STK3: variants seen among roughly 807,000 people sequenced by gnomAD.
STK3 encodes serine/threonine-protein kinase 3.
In STK3, 41 loss-of-function variants were observed where a neutral mutation model predicts 58.0. The observed-to-expected ratio is 0.71, with a 90% CI of 0.55 to 0.92. The LOEUF (loss-of-function observed/expected upper bound fraction) is 0.92. Among genes scored for constraint, STK3 ranks in the 40% least tolerant of loss-of-function variants. The probability of loss-of-function intolerance (pLI) is 0.00; values close to 1 mark genes in which losing one functional copy is unlikely to be tolerated. For synonymous variants in STK3, 170 were observed against 191.0 expected (o/e 0.89, Z 0.91); for missense variants, 479 against 602.7 (o/e 0.79, Z 2.15).
chr8:98,618,441 A>G (rs1360691022), intron 6 of STK3, among the ~76,000 whole-genome samples: 1 of 152,184 alleles, frequency 6.6e-6, no homozygotes, highest in African/African-American at 2.4e-5. Flanking sequence ...GCTATTCAAC[A>G]TAGTGTTGGA....
At position 98,562,737 on chromosome 8, in the gene STK3, G is replaced by GAAAAAAAAA. The variant is rs778049177; in HGVS notation, c.949-14585_949-14577dup. 6.9e-4 allele frequency among the ~76,000 whole-genome samples: 12 copies of GAAAAAAAAA among 17,386 alleles called. 4 individuals are homozygous for GAAAAAAAAA. The highest frequency in any genetic ancestry group is 3.2e-3 in the African/African-American group (11 of 3,434). 11.4% of individuals were successfully genotyped at this position (17,386 alleles called of 152,430 possible). On this transcript the variant is annotated intron_variant, in intron 8 of 10. Coordinates refer to ENST00000419617, the MANE Select transcript of STK3 (RefSeq NM_006281.4). ...TAAGACTCCCATCTCCACAAAAAAT[G>GAAAAAAAAA]AAAAAAAAAAAAAAAAAAAAAAAAA...
intron 1 of STK3, among the ~76,000 whole-genome samples, chr8:98,789,453 A>G (rs567506398): frequency 5.7e-4 from 87 of 152,292 alleles, no homozygotes; most frequent in African/African-American, 2.0e-3. Flanking sequence ...ACAAAAGATA[A>G]ATGAAACAAA....
At chr8:98,777,766 C>A (rs1454435385) in intron 1 of STK3, among the ~76,000 whole-genome samples, 2 of 152,160 alleles carry the variant, frequency 1.3e-5, no homozygotes, top group Admixed American at 1.3e-4. Flanking sequence ...AAAAGCCATC[C>A]AAGCAATGGG....
intron 1 of STK3, among the ~76,000 whole-genome samples, chr8:98,928,793 T>C (rs1261087334): frequency 6.6e-6 from 1 of 152,214 alleles, no homozygotes; most frequent in African/African-American, 2.4e-5. Flanking sequence ...AATTCCTCAC[T>C]TGGAAATAAT....
At chr8:98,713,862 A>C (rs1244267410) in intron 4 of STK3, among the ~76,000 whole-genome samples, 1 of 152,196 alleles carries the variant, frequency 6.6e-6, no homozygotes, top group Non-Finnish European at 1.5e-5. Context: ...CCTGATGAAC[A>C]TCGATGCAAA....
At chr8:98,714,415 A>C (rs1826819344) in intron 4 of STK3, among the ~76,000 whole-genome samples, 1 of 152,236 alleles carries the variant, frequency 6.6e-6, no homozygotes, top group Non-Finnish European at 1.5e-5. Flanking sequence ...CCTTAAGCCA[A>C]CAGGCAACTT....
chr8:98,590,632 G>A (rs550816720), intron 7 of STK3, among the ~76,000 whole-genome samples: 1 of 152,210 alleles, frequency 6.6e-6, no homozygotes, highest in African/African-American at 2.4e-5. Flanking sequence ...TTTCATGCAC[G>A]TCCGTGTGAA....
chr8:98,529,483 G>T (rs1825993900), intron 9 of STK3, among the ~76,000 whole-genome samples: 1 of 152,018 alleles, frequency 6.6e-6, no homozygotes, highest in Admixed American at 6.6e-5. Flanking sequence ...AAAATAAAAT[G>T]GTTTGCCATA....
At chr8:98,680,077 G>C (rs1036206203) in intron 6 of STK3, among the ~76,000 whole-genome samples, 4 of 152,128 alleles carry the variant, frequency 2.6e-5, no homozygotes, top group Admixed American at 1.3e-4. Flanking sequence ...ATACCAGTCT[G>C]TGAAACTGGA....
chr8:98,648,641 C>T (rs930928843), intron 6 of STK3, among the ~76,000 whole-genome samples: 1 of 152,058 alleles, frequency 6.6e-6, no homozygotes, highest in Non-Finnish European at 1.5e-5. Flanking sequence ...GCCTGTAATC[C>T]CTGTACTTCG....
chr8:98,772,397 T>C lies in STK3; in HGVS notation c.107+2342A>G, dbSNP rs1485181845. On this transcript the variant is annotated intron_variant, in intron 2 of 10. Transcript: ENST00000419617. ...GATGGTGAGTTTTCACAGGATGTGC[T>C]TATTTAAAGCGGTGTGGCAGGCCGG... Among the ~76,000 whole-genome samples the C allele has an allele frequency of 3.3e-5, 5 of 152,204 alleles. No individual in the cohort carries two copies. In the East Asian group the frequency reaches 9.7e-4, roughly 29 times the overall value.
chr8:98,443,162 T>C lies in STK3; in HGVS notation n.186-5954A>G, dbSNP rs1333732475. On this transcript the variant is annotated intron_variant and non_coding_transcript_variant, in intron 1 of 3. Coordinates refer to the STK3 transcript ENST00000517832. ...AAGACAATAGAGAAACTCATGTCTC[T>C]CCCTTTAGAAACTGGGGTATATTCT... is the stretch of plus-strand genomic sequence containing the variant. Among the ~76,000 whole-genome samples, 29 of 152,194 alleles carry C rather than the reference T, an allele frequency of 1.9e-4. 2 individuals are homozygous for C. The highest frequency in any genetic ancestry group is 1.9e-3 in the Admixed American group (29 of 15,282).
intron 6 of STK3, among the ~76,000 whole-genome samples, chr8:98,684,607 T>C (rs900652779): frequency 1.3e-5 from 2 of 152,170 alleles, no homozygotes; most frequent in Non-Finnish European, 2.9e-5. Context: ...CCTTTTGATC[T>C]TCAAAAAGAA....
chr8:98,867,193 A>G (rs1324806604), intron 3 of STK3, among the ~76,000 whole-genome samples: 1 of 152,156 alleles, frequency 6.6e-6, no homozygotes, highest in Admixed American at 6.5e-5. Flanking sequence ...AGGTGGGTAG[A>G]TTGCTTGAGC....
At chr8:98,560,468 A>C (rs1365910674) in intron 8 of STK3, among the ~76,000 whole-genome samples, 1 of 152,098 alleles carries the variant, frequency 6.6e-6, no homozygotes, top group Non-Finnish European at 1.5e-5. Context: ...CAGAAAAAAA[A>C]CCCACTTAGG....
intron 8 of STK3, among the ~76,000 whole-genome samples, chr8:98,564,163 C>G (rs1812281537): frequency 6.6e-6 from 1 of 151,876 alleles, no homozygotes; most frequent in African/African-American, 2.4e-5. Context: ...ACCAATAAGC[C>G]TCGTCTCATC....
chr8:98,738,660 G>T (rs563254685), intron 4 of STK3, among the ~76,000 whole-genome samples: 1 of 152,182 alleles, frequency 6.6e-6, no homozygotes, highest in African/African-American at 2.4e-5. Context: ...CAGCGTGAGC[G>T]ACGCAGAAGA....
chr8:98,710,209 C>A (rs371163892), intron 4 of STK3, among the ~76,000 whole-genome samples: 1 of 152,110 alleles, frequency 6.6e-6, no homozygotes, highest in Non-Finnish European at 1.5e-5. Flanking sequence ...AAGCTCCCAG[C>A]GTGAGCATTG....
chr8:98,669,196 C>T (rs543400898), intron 6 of STK3, among the ~76,000 whole-genome samples: 2 of 152,154 alleles, frequency 1.3e-5, no homozygotes, highest in South Asian at 4.2e-4. Flanking sequence ...GTGGTTTCAT[C>T]ATATTGATCA....
Sources: allele counts gnomAD v4.1 joint callset (sites outside exome capture counted in the v4.1 genomes callset), GRCh38; gene constraint gnomAD v4.1.1; transcripts MANE v1.5; gene names NCBI Gene and HGNC (gene_info 2026-07-23, HGNC 2026-07-21).